Variants in LRP1B observed in about 807,000 individuals in gnomAD.
LRP1B encodes the protein LDL receptor related protein 1B, also known as low-density lipoprotein receptor-related protein 1B.
LRP1B carries 217 observed loss-of-function variants against 556.6 expected under a neutral mutation model. The ratio of observed to expected loss-of-function variants is 0.39; its 90% CI spans 0.35 to 0.44. The LOEUF (loss-of-function observed/expected upper bound fraction) is 0.44, where lower values mean the gene tolerates loss of function less well. Ranked by LOEUF, LRP1B falls within the 20% of genes least tolerant of loss-of-function variation. The probability of loss-of-function intolerance (pLI) is 1.00; values close to 1 mark genes in which losing one functional copy is unlikely to be tolerated. For synonymous variants in LRP1B, 2,047 were observed against 1,865.8 expected, an observed-to-expected ratio of 1.10 and a Z score of -2.50; for missense variants, 5,053 against 5,620.8, an observed-to-expected ratio of 0.90 and a Z score of 3.23.
At chr2:140,589,753 A>T (rs1682141573) in intron 43 of LRP1B, among the ~76,000 whole-genome samples, 1 of 152,324 alleles carries the variant, frequency 6.6e-6, no homozygotes, top group South Asian at 2.1e-4. Flanking sequence ...TAAAGAAGTT[A>T]TAAAGTTTCT....
At position 140,982,168 on chromosome 2, in the gene LRP1B, G is replaced by A. The variant is rs372595225; in HGVS notation, c.2879C>T (p.Ala960Val). 2.0e-5 allele frequency: 32 copies of A among 1,611,708 alleles called. 1 individual carries two copies. The highest frequency in any genetic ancestry group is 3.3e-4 in the Middle Eastern group (2 of 6,054). ...DDCGDQTDEM[A>V]SCEFPTCEPL... is the part of the protein sequence containing the mutation. ...TCTCACTCACAACTTACCACAAGAT[G>A]CCATTTCATCTGTCTGGTCACCACA... Residue 960 changes from alanine to valine, a missense_variant, in exon 18 of 91, where the codon GCA (alanine) becomes GTA (valine). By Grantham distance (64) the Ala-to-Val change is moderately conservative. Coordinates refer to ENST00000389484, the MANE Select transcript of LRP1B (RefSeq NM_018557.3).
intron 43 of LRP1B, among the ~76,000 whole-genome samples, chr2:140,573,401 G>T: frequency 6.6e-6 from 1 of 151,868 alleles, no homozygotes; most frequent in Non-Finnish European, 1.5e-5. Context: ...CAGTGTTTAT[G>T]ACTCCCAACA....
chr2:141,422,008 T>C (rs754923193), intron 3 of LRP1B, among the ~76,000 whole-genome samples: 1 of 152,216 alleles, frequency 6.6e-6, no homozygotes, highest in African/African-American at 2.4e-5. Context: ...TTTATGACTA[T>C]ATTAAACAGT....
intron 49 of LRP1B, among the ~76,000 whole-genome samples, chr2:140,525,533 T>C (rs2104965751): frequency 6.6e-6 from 1 of 152,106 alleles, no homozygotes; most frequent in Middle Eastern, 3.4e-3. Context: ...TTTCTAGGTA[T>C]GTAATAATTC....
At position 141,601,707 on chromosome 2, in the gene LRP1B, G is replaced by C. The variant is rs544710627; in HGVS notation, c.206-121174C>G. On this transcript the variant is annotated intron_variant, in intron 2 of 90. Coordinates refer to ENST00000389484, the MANE Select transcript of LRP1B (RefSeq NM_018557.3). ...CACCCAGTCTGGAGTGCAATAAAGC[G>C]ATCTTGTCTCACTGCCAACTCTGCC... Among the ~76,000 whole-genome samples the C allele has an allele frequency of 2.7e-5, 4 of 149,728 alleles. No homozygotes were observed. In the East Asian group the frequency reaches 7.9e-4, roughly 30 times the overall value.
chr2:140,870,843 T>C (rs936949710), intron 25 of LRP1B, among the ~76,000 whole-genome samples: 1 of 152,142 alleles, frequency 6.6e-6, no homozygotes, highest in Non-Finnish European at 1.5e-5. Context: ...ATCCACTTCC[T>C]TTTAAAAAAA....
At chr2:140,442,405 T>A (rs1426245521) in intron 66 of LRP1B, 99 bp downstream of exon 66, 2 of 1,459,960 alleles carry the variant, frequency 1.4e-6, no homozygotes, top group Non-Finnish European at 1.8e-6. Flanking sequence ...AGGTAAGACC[T>A]TAGCTTCAAA....
At chr2:140,952,699 A>G (rs1292464837) in intron 18 of LRP1B, among the ~76,000 whole-genome samples, 1 of 152,190 alleles carries the variant, frequency 6.6e-6, no homozygotes, top group African/African-American at 2.4e-5. Context: ...ATATCAATAA[A>G]TCTAAAAGAC....
intron 3 of LRP1B, among the ~76,000 whole-genome samples, chr2:141,442,493 A>G (rs1459854146): frequency 6.7e-6 from 1 of 149,434 alleles, no homozygotes; most frequent in Non-Finnish European, 1.5e-5. Flanking sequence ...GGTTTGTTAC[A>G]TAGTTATACA....
intron 22 of LRP1B, among the ~76,000 whole-genome samples, chr2:140,907,078 C>G (rs1337798724): frequency 6.6e-6 from 1 of 151,784 alleles, no homozygotes; most frequent in Non-Finnish European, 1.5e-5. Context: ...TTCCTACTTT[C>G]AATCAGTCAG....
At chr2:141,199,914 C>CA (rs1271264018) in intron 6 of LRP1B, among the ~76,000 whole-genome samples, 1 of 152,010 alleles carries the variant, frequency 6.6e-6, no homozygotes, top group Non-Finnish European at 1.5e-5. Context: ...ATTAAAAAGA[C>CA]AAAAAATAAC....
intron 22 of LRP1B, among the ~76,000 whole-genome samples, chr2:140,905,622 T>C (rs996491609): frequency 2.7e-4 from 41 of 152,076 alleles, no homozygotes; most frequent in Non-Finnish European, 2.1e-4. Context: ...GAAGCCTGTT[T>C]TCCCCTCCTG....
At chr2:140,564,551 G>A (rs1031797613) in intron 43 of LRP1B, among the ~76,000 whole-genome samples, 1 of 151,956 alleles carries the variant, frequency 6.6e-6, no homozygotes, top group African/African-American at 2.4e-5. Flanking sequence ...AATAAAAAAT[G>A]TTATGCTAGG....
chr2:141,514,700 C>G (rs758878534), intron 2 of LRP1B, among the ~76,000 whole-genome samples: 5 of 152,166 alleles, frequency 3.3e-5, no homozygotes, highest in Non-Finnish European at 7.4e-5. Context: ...ACCTACTGAA[C>G]AGCATAGCTT....
At chr2:141,354,877 T>C (rs932843530) in intron 3 of LRP1B, among the ~76,000 whole-genome samples, 6 of 152,146 alleles carry the variant, frequency 3.9e-5, no homozygotes, top group African/African-American at 1.4e-4. Flanking sequence ...CAGAAATGTT[T>C]AATGAGAGTA....
At chr2:142,107,911 G>A (rs1267865407) in intron 1 of LRP1B, among the ~76,000 whole-genome samples, 1 of 149,688 alleles carries the variant, frequency 6.7e-6, no homozygotes, top group African/African-American at 2.4e-5. Flanking sequence ...CTCCCAAAGT[G>A]CTGGGATTAT....
chr2:142,005,717 A>T (rs1391871640), intron 1 of LRP1B, among the ~76,000 whole-genome samples: 1 of 152,070 alleles, frequency 6.6e-6, no homozygotes, highest in Non-Finnish European at 1.5e-5. Flanking sequence ...AATTTATCAA[A>T]CTTGCAAAGC....
At chr2:140,770,327 G>T (rs530532002) in intron 34 of LRP1B, among the ~76,000 whole-genome samples, 11 of 151,926 alleles carry the variant, frequency 7.2e-5, no homozygotes, top group African/African-American at 2.7e-4. Context: ...CATTTTTAAC[G>T]ATAAAAATTA....
At chr2:141,332,497 C>CT (rs1687690655) in intron 3 of LRP1B, among the ~76,000 whole-genome samples, 1 of 150,472 alleles carries the variant, frequency 6.6e-6, no homozygotes, top group Non-Finnish European at 1.5e-5. Context: ...AGGCCCCTGA[C>CT]TTTTTTAAAA....
Sources: gnomAD v4.1 joint callset for allele counts (sites outside exome capture counted in the v4.1 genomes callset) on GRCh38, gnomAD v4.1.1 for gene constraint, MANE v1.5 for transcripts, NCBI Gene and HGNC (gene_info 2026-07-23, HGNC 2026-07-21) for gene names.